Variants in PTPRT observed in about 807,000 individuals in gnomAD.
PTPRT encodes the protein receptor-type tyrosine-protein phosphatase T.
In PTPRT, 56 loss-of-function variants were observed where a neutral mutation model predicts 176.8. That is an observed-to-expected ratio of 0.32 (90% confidence interval 0.26 to 0.40). The LOEUF (loss-of-function observed/expected upper bound fraction) is 0.40, where lower values mean the gene tolerates loss of function less well. Ranked by LOEUF, PTPRT falls within the 10% of genes least tolerant of loss-of-function variation. The probability of loss-of-function intolerance (pLI) is 1.00; values close to 1 mark genes in which losing one functional copy is unlikely to be tolerated. For missense variants in PTPRT, 1,540 were observed against 1,908.2 expected (o/e 0.81, Z 3.60); for synonymous variants, 783 against 739.0 (o/e 1.06, Z -0.96).
rs1426227129 is a variant in PTPRT at position 42,869,417 on chromosome 20, C to T, written c.214+16390G>A. On this transcript the variant is annotated intron_variant, in intron 2 of 30. Coordinates refer to ENST00000373187, the MANE Select transcript of PTPRT (RefSeq NM_007050.6). ...GCTGCACGGTGTCCAAAAGGCAGGA[C>T]GTAGAGTCAAAGAAGATCATTCTCA... Among the ~76,000 whole-genome samples the T allele has an allele frequency of 2.6e-5, 4 of 152,114 alleles. No homozygotes were observed. The East Asian group carries it at 5.8e-4, about 22-fold the overall frequency.
At chr20:42,040,994 G>T in the PTPRT span, among the ~76,000 whole-genome samples, 5 of 152,320 alleles carry the variant, frequency 3.3e-5, no homozygotes, top group Middle Eastern at 3.4e-3. Context: ...CTGATGTGAT[G>T]CTGCAGATTT....
At chr20:42,710,221 G>A (rs1377112939) in intron 6 of PTPRT, among the ~76,000 whole-genome samples, 2 of 152,236 alleles carry the variant, frequency 1.3e-5, no homozygotes, top group Non-Finnish European at 2.9e-5. Context: ...ATTTGCTAGA[G>A]AGATTAGCAT....
At chr20:42,353,719 AT>A (rs938844538) in intron 9 of PTPRT, among the ~76,000 whole-genome samples, 10 of 152,284 alleles carry the variant, frequency 6.6e-5, no homozygotes, top group Non-Finnish European at 1.5e-4. Context: ...CAAACACAAG[AT>A]TTTTTGTTTG....
intron 2 of PTPRT, among the ~76,000 whole-genome samples, chr20:42,808,445 G>A (rs2077645627): frequency 1.3e-5 from 2 of 152,102 alleles, no homozygotes; most frequent in Non-Finnish European, 2.9e-5. Flanking sequence ...GGAACAGGAC[G>A]AGAAAGTCCA....
In PTPRT at chr20:42,206,685, AGGTG is replaced by A. The variant is rs2055474346; in HGVS notation, c.2343-7301_2343-7298del. Among the ~76,000 whole-genome samples the A allele has an allele frequency of 3.1e-4, 47 of 152,344 alleles. 1 individual carries two copies. The South Asian group carries it at 8.1e-3, about 26-fold the overall frequency. ...CACAGCAGTCTGAGATCAAACTGCA[AGGTG>A]GCAGCGAGGCTGGGGGAGGGGCACC... On this transcript the variant is annotated intron_variant, in intron 15 of 30. Transcript: ENST00000373187.
At chr20:43,109,579 G>A (rs1198827425) in intron 1 of PTPRT, among the ~76,000 whole-genome samples, 4 of 152,060 alleles carry the variant, frequency 2.6e-5, no homozygotes, top group African/African-American at 9.7e-5. Flanking sequence ...AGGATATGGT[G>A]ACGAACAAGT....
intron 2 of PTPRT, among the ~76,000 whole-genome samples, chr20:42,809,618 G>C (rs969050730): frequency 2.0e-5 from 3 of 152,284 alleles, no homozygotes; most frequent in Middle Eastern, 3.4e-3. Flanking sequence ...AGGGCCGTGG[G>C]GGAAGTCTCT....
At chr20:42,965,169 C>A (rs1312522100) in intron 1 of PTPRT, among the ~76,000 whole-genome samples, 1 of 152,092 alleles carries the variant, frequency 6.6e-6, no homozygotes, top group African/African-American at 2.4e-5. Flanking sequence ...CACACACAAA[C>A]CCAAAATGCT....
chr20:42,544,038 A>G (rs1464515345), intron 7 of PTPRT, among the ~76,000 whole-genome samples: 1 of 152,178 alleles, frequency 6.6e-6, no homozygotes, highest in Non-Finnish European at 1.5e-5. Flanking sequence ...TAAGAGTCCC[A>G]GGATTTTTGG....
intron 1 of PTPRT, among the ~76,000 whole-genome samples, chr20:43,188,517 T>TCTTC (rs1404075631): frequency 1.3e-5 from 2 of 152,174 alleles, no homozygotes; most frequent in Admixed American, 1.3e-4. Context: ...GCTCTTTCTT[T>TCTTC]CTTCCTTTCC....
At chr20:42,812,690 T>C (rs2077717271) in intron 2 of PTPRT, among the ~76,000 whole-genome samples, 1 of 152,188 alleles carries the variant, frequency 6.6e-6, no homozygotes. Flanking sequence ...AATTCTGTTA[T>C]ATATACTAGA....
At chr20:42,156,027 C>A (rs1252862188) in intron 17 of PTPRT, among the ~76,000 whole-genome samples, 1 of 152,222 alleles carries the variant, frequency 6.6e-6, no homozygotes, top group Non-Finnish European at 1.5e-5. Context: ...TGCTTCCTCC[C>A]AAACCGTTTC....
At chr20:42,774,146 C>CTACAAGAGCTACTACAAGAA (rs2077101166) in intron 4 of PTPRT, among the ~76,000 whole-genome samples, 1 of 152,170 alleles carries the variant, frequency 6.6e-6, no homozygotes, top group Admixed American at 6.5e-5. Flanking sequence ...AACGCATGCA[C>CTACAAGAGCTACTACAAGAA]CTACAAGAGC....
intron 7 of PTPRT, among the ~76,000 whole-genome samples, chr20:42,593,009 G>A (rs541655328): frequency 3.2e-4 from 48 of 152,300 alleles, no homozygotes; most frequent in African/African-American, 8.7e-4. Flanking sequence ...TCATGGGGTC[G>A]ATTAAGCCAG....
At chr20:42,526,956 CTTTTTTTTTTTTT>C (rs915511549) in intron 7 of PTPRT, among the ~76,000 whole-genome samples, 2 of 78,714 alleles carry the variant, frequency 2.5e-5, no homozygotes, top group Middle Eastern at 0.015. Context: ...GTTCTTTTTT[CTTTTTTTTTTTTT>C]TTTTTTTTTT....
At chr20:42,052,063 T>C in the PTPRT span, among the ~76,000 whole-genome samples, 2 of 152,250 alleles carry the variant, frequency 1.3e-5, no homozygotes, top group African/African-American at 4.8e-5. Flanking sequence ...AGACTCCCGG[T>C]GCTGACTGCA....
In PTPRT at chr20:42,102,275, C is replaced by G. The variant is rs753788938; in HGVS notation, c.3563G>C (p.Arg1188Pro). Residue 1188 changes from arginine (R) to proline (P), a missense_variant, in exon 26 of 31, where the codon CGT becomes CCT. Arg to Pro is a moderately radical substitution (Grantham distance 103, BLOSUM62 -2). Transcript: ENST00000373187. ...EFQTLNIVTP[R>P]VRPEDCSIGL... ...AATGCTGCAGTCCTCGGGCCGCACA[C>G]GGGGTGTCACAATGTTGAGGGTCTG... 4 of 1,614,084 alleles carry G rather than the reference C, an allele frequency of 2.5e-6. No individual in the cohort carries two copies. The highest frequency in any genetic ancestry group is 3.4e-6 in the Non-Finnish European group (4 of 1,179,962).
Position 42,597,475 on chromosome 20 carries a change from G to A in PTPRT, c.1153+80391C>T, listed in dbSNP as rs577012420. Among the ~76,000 whole-genome samples, 3 of 152,262 alleles carry A rather than the reference G, an allele frequency of 2.0e-5. No individual in the cohort carries two copies. In the East Asian group the frequency reaches 5.8e-4, roughly 29 times the overall value. ...AAGCAGACCCAGTGGGAGGTGACTG[G>A]ATCATGGAGGCAGAGTTCTCATGAA... is the stretch of plus-strand genomic sequence containing the variant. On this transcript the variant is annotated intron_variant, in intron 7 of 30. Coordinates refer to ENST00000373187, the MANE Select transcript of PTPRT (RefSeq NM_007050.6).
intron 1 of PTPRT, among the ~76,000 whole-genome samples, chr20:43,083,607 C>T (rs1305253923): frequency 6.6e-6 from 1 of 151,798 alleles, no homozygotes; most frequent in Non-Finnish European, 1.5e-5. Flanking sequence ...GATCTGCCCA[C>T]CTTGGCCTCC....
Sources: gnomAD v4.1 joint callset for allele counts (sites outside exome capture counted in the v4.1 genomes callset) on GRCh38, gnomAD v4.1.1 for gene constraint, MANE v1.5 for transcripts, NCBI Gene and HGNC (gene_info 2026-07-23, HGNC 2026-07-21) for gene names.